Variants in PHC3 observed in about 807,000 individuals in gnomAD.
The protein encoded by PHC3 is polyhomeotic homolog 3, also known as polyhomeotic-like protein 3.
Under a neutral mutation model 107.4 loss-of-function variants are expected in PHC3, and 13 were observed. The ratio of observed to expected loss-of-function variants is 0.12; its 90% CI spans 0.08 to 0.19. The LOEUF is 0.19. Ranked by LOEUF, PHC3 falls within the 10% of genes least tolerant of loss-of-function variation. PHC3 has a pLI of 1.00. For synonymous variants in PHC3, 456 were observed against 427.4 expected (o/e 1.07, Z -0.83); for missense variants, 992 against 1,210.9 (o/e 0.82, Z 2.68).
intron 5 of PHC3, chr3:170,147,379 C>G (rs1313160049): frequency 6.6e-6 from 1 of 152,088 alleles, no homozygotes; most frequent in African/African-American, 2.4e-5. Context: ...ATTAAGTGAC[C>G]TTTTAAACTT....
Position 170,102,929 on chromosome 3 carries a change from T to C in PHC3, c.2474A>G (p.Asn825Ser). The change falls in exon 13 of 15, where the codon AAT (asparagine) becomes AGT (serine). Residue 825 changes from asparagine to serine, a missense_variant. By Grantham distance (46) the Asn-to-Ser change is conservative. Around this residue, in one of 6 missense-constraint regions of PHC3, gnomAD observed 228 missense variants for 288.8 expected, o/e 0.79. Coordinates refer to ENST00000495893, the MANE Select transcript of PHC3 (RefSeq NM_024947.4). ...FCTMSCAKRY[N>S]VSCSKKFALS... ...TGCAAATTTTTTAGAACAGCTAACA[T>C]TGTACCTAAGAAATTCAAGAAAGAA... 6.2e-7 allele frequency: 1 copy of C among 1,611,242 alleles called. No homozygotes were observed. Among genetic ancestry groups the C allele is most frequent in the Non-Finnish European group, 8.5e-7 (1 of 1,178,268 alleles).
intron 8 of PHC3, among the ~76,000 whole-genome samples, chr3:170,125,455 G>T (rs557428633): frequency 6.6e-6 from 1 of 152,248 alleles, no homozygotes; most frequent in South Asian, 2.1e-4. Context: ...CAGTATAATA[G>T]ATAGTACTTT....
chr3:170,126,447 G>C (rs1433844540), intron 8 of PHC3, among the ~76,000 whole-genome samples: 1 of 148,136 alleles, frequency 6.8e-6, no homozygotes, highest in Non-Finnish European at 1.5e-5. Context: ...TAAGGTAGAA[G>C]TGCAGGAAGC....
At chr3:170,147,298 T>C (rs1725138004) in intron 5 of PHC3, 3 of 152,356 alleles carry the variant, frequency 2.0e-5, no homozygotes, top group Non-Finnish European at 2.9e-5. Context: ...GGTTATTCAG[T>C]TCCTCTTGCT....
chr3:170,118,687 A>C (rs1366765568), intron 9 of PHC3, among the ~76,000 whole-genome samples: 1 of 152,148 alleles, frequency 6.6e-6, no homozygotes, highest in Admixed American at 6.6e-5. Context: ...CTGGTATTAC[A>C]GGCGTGAGCC....
In PHC3 at chr3:170,093,057, C is replaced by T. The variant is rs1714271530; in HGVS notation, c.*4173G>A. 6.6e-6 allele frequency: 1 copy of T among 152,170 alleles called. No individual in the cohort carries two copies. The highest frequency in any genetic ancestry group is 2.1e-4 in the South Asian group (1 of 4,820). 9.4% of individuals were successfully genotyped at this position (152,170 alleles called of 1,614,324 possible). On this transcript the variant is annotated 3_prime_UTR_variant, in exon 15 of 15. Coordinates refer to ENST00000495893, the MANE Select transcript of PHC3 (RefSeq NM_024947.4). ...CCTCCTCTACTTCCCTATCCTTCCC[C>T]CTAGAAAACCTTCCTTAGGGCCCAG...
intron 1 of PHC3, among the ~76,000 whole-genome samples, chr3:170,179,825 C>T (rs1213084913): frequency 6.6e-6 from 1 of 152,098 alleles, no homozygotes; most frequent in African/African-American, 2.4e-5. Context: ...TTGTTAGAAA[C>T]CAGAAGAGCA....
At chr3:170,163,216 C>A (rs144494765) in intron 4 of PHC3, among the ~76,000 whole-genome samples, 3,425 of 151,674 alleles carry the variant, frequency 0.023, 53 homozygotes, top group Middle Eastern at 0.075. Flanking sequence ...AACTGGGCTT[C>A]AAAAGCTCAT....
chr3:170,156,423 A>C (rs1252396789), intron 4 of PHC3, among the ~76,000 whole-genome samples: 1 of 149,202 alleles, frequency 6.7e-6, no homozygotes, highest in East Asian at 2.0e-4. Context: ...TGCATGGCTA[A>C]TTTTTGTATT....
chr3:170,128,940 A>G lies in PHC3; in HGVS notation c.1532T>C (p.Ile511Thr), dbSNP rs371052045. ...TGTCGACATCTGTGGAGGACTTGCAATTGGGATTGGAGAGGACTGCAGGGA... is the reference window on the plus strand; with the variant it reads ...TGTCGACATCTGTGGAGGACTTGCAGTTGGGATTGGAGAGGACTGCAGGGA... ...YSSLQSSPIP[I>T]ASPPQMSTSP... Residue 511 changes from isoleucine to threonine, a missense_variant, in exon 8 of 15, where the codon ATT becomes ACT. Transcript: ENST00000495893. 4.9e-5 allele frequency: 79 copies of G among 1,613,946 alleles called. No individual in the cohort carries two copies. Among genetic ancestry groups the G allele is most frequent in the Non-Finnish European group, 5.7e-5 (67 of 1,179,872 alleles).
At chr3:170,139,911 A>C (rs963713761) in intron 6 of PHC3, among the ~76,000 whole-genome samples, 1 of 152,100 alleles carries the variant, frequency 6.6e-6, no homozygotes, top group Non-Finnish European at 1.5e-5. Context: ...TTTCATCTGA[A>C]CCTTTCCTTT....
chr3:170,120,565 T>C (rs990410119), intron 9 of PHC3, among the ~76,000 whole-genome samples: 1 of 151,192 alleles, frequency 6.6e-6, no homozygotes, highest in Non-Finnish European at 1.5e-5. Context: ...AGAGCCAGAC[T>C]CCATCTCAAA....
chr3:170,098,785 T>C (rs1197363876), intron 14 of PHC3, among the ~76,000 whole-genome samples: 1 of 152,182 alleles, frequency 6.6e-6, no homozygotes, highest in Admixed American at 6.5e-5. Flanking sequence ...ATTTCTATTT[T>C]AATAATTTCT....
At chr3:170,165,868 C>T (rs1489525966) in intron 4 of PHC3, among the ~76,000 whole-genome samples, 1 of 149,866 alleles carries the variant, frequency 6.7e-6, no homozygotes, top group Non-Finnish European at 1.5e-5. Context: ...CTTAGGAAGC[C>T]AAGACAGGAG....
chr3:170,140,451 G>A (rs192857114), intron 6 of PHC3, among the ~76,000 whole-genome samples: 1,693 of 151,170 alleles, frequency 0.011, 16 homozygotes, highest in Middle Eastern at 0.038. Flanking sequence ...ATGGGGTTTC[G>A]CCATGTTGGC....
rs1200198807 is a variant in PHC3, at chr3:170,091,027, G to A, written c.*6203C>T. 1.3e-5 allele frequency: 2 copies of A among 152,138 alleles called. No individual in the cohort carries two copies. Among genetic ancestry groups the A allele is most frequent in the African/African-American group, 2.4e-5 (1 of 41,420 alleles). 9.4% of individuals were successfully genotyped at this position (152,138 alleles called of 1,614,324 possible). On this transcript the variant is annotated 3_prime_UTR_variant, in exon 15 of 15. Coordinates refer to ENST00000495893, the MANE Select transcript of PHC3 (RefSeq NM_024947.4). The stretch of plus-strand genomic sequence containing the variant: ...AAAATTCTTTCTAAAACAGGTTGAT[G>A]TTTAACTTCACTAATGACTAGACAC...
At chr3:170,111,394 G>GAGGA (rs750463123) in intron 11 of PHC3, among the ~76,000 whole-genome samples, 1,453 of 142,126 alleles carry the variant, frequency 0.01, 34 homozygotes, top group African/African-American at 0.033. Context: ...GAGAAAGAAA[G>GAGGA]AGGAAGGAAG....
Position 170,126,524 on chromosome 3 carries a change from A to ATT in PHC3, c.1788+2159_1788+2160insAA, listed in dbSNP as rs1411349700. Among the ~76,000 whole-genome samples, 401 of 79,868 alleles carry ATT rather than the reference A, an allele frequency of 5.0e-3. 1 individual carries two copies. Among genetic ancestry groups the ATT allele is most frequent in the Middle Eastern group, 0.02 (3 of 150 alleles). The allele number at this position is 79,868 out of a possible 152,430, so 52.4% of individuals were successfully genotyped here. ...CATATGTATATATATATATATATAT[A>ATT]TATATTTTTTTTTTTTTTTCCTTTT... On this transcript the variant is annotated intron_variant, in intron 8 of 14. Coordinates refer to ENST00000495893, the MANE Select transcript of PHC3 (RefSeq NM_024947.4).
At chr3:170,161,631 T>C (rs1235394517) in intron 4 of PHC3, among the ~76,000 whole-genome samples, 2 of 152,208 alleles carry the variant, frequency 1.3e-5, no homozygotes, top group African/African-American at 4.8e-5. Context: ...GCCCAGTTCC[T>C]AACAGGCCAC....
Sources: allele counts gnomAD v4.1 joint callset (sites outside exome capture counted in the v4.1 genomes callset), GRCh38; gene constraint gnomAD v4.1.1; regional missense constraint gnomAD v4.1.1; transcripts MANE v1.5; gene names NCBI Gene and HGNC (gene_info 2026-07-23, HGNC 2026-07-21).